Variants in ARHGAP15 observed in about 807,000 individuals in gnomAD.
The protein encoded by ARHGAP15 is rho GTPase-activating protein 15.
ARHGAP15 carries 51 observed loss-of-function variants against 63.7 expected under a neutral mutation model. That is an observed-to-expected ratio of 0.80 (90% CI 0.64 to 1.01). The LOEUF is 1.01. ARHGAP15 is among the 50% of genes least tolerant of loss of function. The pLI is 0.00. For synonymous variants in ARHGAP15, 191 were observed against 193.8 expected (o/e 0.99, Z 0.12); for missense variants, 560 against 564.6 (o/e 0.99, Z 0.08).
At chr2:143,573,143 T>C (rs1273757005) in intron 11 of ARHGAP15, among the ~76,000 whole-genome samples, 1 of 152,176 alleles carries the variant, frequency 6.6e-6, no homozygotes, top group Admixed American at 6.5e-5. Flanking sequence ...ACTTTTAAAA[T>C]GCTAATTTTA....
rs533881240 is a variant in ARHGAP15 at position 143,696,724 on chromosome 2, A to C, written c.1139-6695A>C. On this transcript the variant is annotated intron_variant, in intron 12 of 13. Coordinates refer to ENST00000295095, the MANE Select transcript of ARHGAP15 (RefSeq NM_018460.4). ...TAAGAGGGCTTGTTTATTCAAAAAA[A>C]CAGCCAAAACATGAATATCTCCTGG... 1.2e-4 allele frequency among the ~76,000 whole-genome samples: 18 copies of C among 152,236 alleles called. 1 individual carries two copies. Among genetic ancestry groups the C allele is most frequent in the Non-Finnish European group, 1.8e-4 (12 of 68,036 alleles).
At chr2:143,614,557 TTA>T (rs1462540788) in intron 11 of ARHGAP15, among the ~76,000 whole-genome samples, 2 of 150,068 alleles carry the variant, frequency 1.3e-5, no homozygotes, top group Admixed American at 1.3e-4. Context: ...ATCGTTGGTA[TTA>T]TATTATGAAA....
At chr2:143,494,532 TGTTTTGGA>T (rs1274784550) in intron 9 of ARHGAP15, among the ~76,000 whole-genome samples, 3 of 152,226 alleles carry the variant, frequency 2.0e-5, no homozygotes, top group African/African-American at 7.2e-5. Flanking sequence ...AATTTGTTGT[TGTTTTGGA>T]GTCTTGTTTT....
chr2:143,187,841 CTCTT>C (rs1157589913), intron 2 of ARHGAP15, among the ~76,000 whole-genome samples: 2 of 152,172 alleles, frequency 1.3e-5, no homozygotes, highest in Non-Finnish European at 2.9e-5. Flanking sequence ...TGGTCCCTTT[CTCTT>C]TCTTTCAACC....
chr2:143,179,601 A>G lies in ARHGAP15; in HGVS notation c.166-22533A>G, dbSNP rs552374296. 4.9e-4 allele frequency among the ~76,000 whole-genome samples: 75 copies of G among 152,318 alleles called. 1 individual carries two copies. Among genetic ancestry groups the G allele is most frequent in the African/African-American group, 1.7e-3 (71 of 41,558 alleles). On this transcript the variant is annotated intron_variant, in intron 2 of 13. Transcript: ENST00000295095. Reference sequence around the variant, plus strand: ...GCAATATCATTTTGTATAAAAAACAATATGAGCCAAGCGTGATGGCTCATG... The same window carrying G: ...GCAATATCATTTTGTATAAAAAACAGTATGAGCCAAGCGTGATGGCTCATG...
chr2:143,213,261 C>T (rs1027039516), intron 3 of ARHGAP15, among the ~76,000 whole-genome samples: 11 of 152,114 alleles, frequency 7.2e-5, no homozygotes, highest in Non-Finnish European at 1.2e-4. Context: ...TGCCTGTAAT[C>T]CCAGCACTTT....
At chr2:143,405,436 A>G (rs1168018417) in intron 6 of ARHGAP15, among the ~76,000 whole-genome samples, 1 of 151,866 alleles carries the variant, frequency 6.6e-6, no homozygotes. Context: ...CATCAACTTC[A>G]GTAAAATTTA....
rs115534647 is a variant in ARHGAP15 at position 143,309,689 on chromosome 2, C to T, written c.474+59089C>T. ...GTATCAGGGTTTCTCAACCTAGGCA[C>T]GCTTAATATTTTGTATCAGATAACT... On this transcript the variant is annotated intron_variant, in intron 6 of 13. Transcript: ENST00000295095. Among the ~76,000 whole-genome samples, 1,298 of 151,990 alleles carry T rather than the reference C, an allele frequency of 8.5e-3. 29 individuals are homozygous for T. Among genetic ancestry groups the T allele is most frequent in the African/African-American group, 0.03 (1,238 of 41,478 alleles).
intron 10 of ARHGAP15, among the ~76,000 whole-genome samples, chr2:143,540,873 A>G (rs1020675006): frequency 8.5e-5 from 13 of 152,110 alleles, no homozygotes; most frequent in African/African-American, 2.4e-4. Context: ...GCTCTTCCCA[A>G]GGAGAATCTT....
chr2:143,351,031 A>T (rs976073360), intron 6 of ARHGAP15: 7 of 151,986 alleles, frequency 4.6e-5, no homozygotes, highest in African/African-American at 1.7e-4. Context: ...CCAGAAGGTC[A>T]TTTAGGTCTT....
chr2:143,649,476 C>A (rs902677784), intron 12 of ARHGAP15, among the ~76,000 whole-genome samples: 3 of 151,978 alleles, frequency 2.0e-5, no homozygotes. Flanking sequence ...GAGTTTATAA[C>A]GCAAATGTAA....
At chr2:143,541,276 G>A (rs980862032) in intron 10 of ARHGAP15, among the ~76,000 whole-genome samples, 10 of 152,148 alleles carry the variant, frequency 6.6e-5, no homozygotes, top group South Asian at 2.1e-4. Context: ...TTATCCATTC[G>A]TCTAATTTTT....
chr2:143,271,755 C>T (rs1055938496), intron 6 of ARHGAP15, among the ~76,000 whole-genome samples: 1 of 152,202 alleles, frequency 6.6e-6, no homozygotes, highest in Non-Finnish European at 1.5e-5. Flanking sequence ...GGATTACAGG[C>T]ATGAGCCACC....
rs1683792204 is a variant in ARHGAP15 at position 143,317,840 on chromosome 2, G to A, written c.474+67240G>A. ...CATCCGAAGCGGAAAGAATAGCCTGGGTGAAAGTGTAGTATTAGGAATTTA... is the reference window on the plus strand; with the variant it reads ...CATCCGAAGCGGAAAGAATAGCCTGAGTGAAAGTGTAGTATTAGGAATTTA... On this transcript the variant is annotated intron_variant, in intron 6 of 13. Coordinates refer to ENST00000295095, the MANE Select transcript of ARHGAP15 (RefSeq NM_018460.4). Among the ~76,000 whole-genome samples the A allele has an allele frequency of 2.6e-5, 4 of 152,060 alleles. No homozygotes were observed. The South Asian group carries it at 8.3e-4, about 32-fold the overall frequency.
intron 12 of ARHGAP15, among the ~76,000 whole-genome samples, chr2:143,687,253 G>C (rs937027391): frequency 6.6e-6 from 1 of 152,166 alleles, no homozygotes; most frequent in Non-Finnish European, 1.5e-5. Context: ...ATTTTGAAAT[G>C]AACAGCTGAC....
chr2:143,153,807 T>A (rs1210773836), intron 1 of ARHGAP15, among the ~76,000 whole-genome samples: 10 of 69,192 alleles, frequency 1.4e-4, no homozygotes, highest in African/African-American at 5.3e-4. Flanking sequence ...CTTCTTCTTC[T>A]TCTTCTTCTT....
At chr2:143,722,497 C>G (rs983659179) in intron 13 of ARHGAP15, among the ~76,000 whole-genome samples, 1 of 152,050 alleles carries the variant, frequency 6.6e-6, no homozygotes, top group East Asian at 1.9e-4. Flanking sequence ...TATGGAGTGC[C>G]TGCTCTGTGT....
intron 6 of ARHGAP15, among the ~76,000 whole-genome samples, chr2:143,354,728 C>T (rs899832500): frequency 1.3e-5 from 2 of 152,156 alleles, no homozygotes; most frequent in African/African-American, 4.8e-5. Context: ...ATCACAGTCG[C>T]GCCTGGAACG....
At chr2:143,758,545 T>C (rs962355642) in intron 13 of ARHGAP15, among the ~76,000 whole-genome samples, 1 of 152,104 alleles carries the variant, frequency 6.6e-6, no homozygotes, top group Non-Finnish European at 1.5e-5. Flanking sequence ...GCAGGAGATA[T>C]TCACAGGAGA....
Sources: allele counts gnomAD v4.1 joint callset (sites outside exome capture counted in the v4.1 genomes callset), GRCh38; gene constraint gnomAD v4.1.1; transcripts MANE v1.5; gene names NCBI Gene and HGNC (gene_info 2026-07-23, HGNC 2026-07-21).